PARP8: variants seen among roughly 807,000 people sequenced by gnomAD.
The protein encoded by PARP8 is protein mono-ADP-ribosyltransferase PARP8.
A neutral mutation model predicts 124.1 loss-of-function variants in PARP8; 51 were observed. That is an observed-to-expected ratio of 0.41 (90% CI 0.33 to 0.52). The LOEUF is 0.52. Among genes scored for constraint, PARP8 ranks in the 20% least tolerant of loss-of-function variants. The probability of loss-of-function intolerance (pLI) is 0.21; values close to 1 mark genes in which losing one functional copy is unlikely to be tolerated. For synonymous variants in PARP8, 391 were observed against 361.5 expected (o/e 1.08, Z -0.93); for missense variants, 860 against 1,018.9 (o/e 0.84, Z 2.12).
Position 50,668,016 on chromosome 5 carries a change from G to A in PARP8, c.92-55G>A, listed in dbSNP as rs1004391750. ...CGAATGTGGGGCTCAAGTCCTGATC[G>A]GGGTTAAAACAAATCCACTCCAGGG... On this transcript the variant is annotated intron_variant, in intron 1 of 25. Transcript: ENST00000281631. 9.9e-6 allele frequency: 16 copies of A among 1,610,842 alleles called. No individual in the cohort carries two copies. The African/African-American group carries it at 2.1e-4, about 22-fold the overall frequency.
rs1421397338 is a variant in PARP8, at chr5:50,842,158, G to T, written c.*90G>T. The T allele has an allele frequency of 3.3e-6, 3 of 900,934 alleles. No homozygotes were observed. The highest frequency in any genetic ancestry group is 3.5e-5 in the African/African-American group (2 of 56,386). The allele number at this position is 900,934 out of a possible 1,614,324, so 55.8% of individuals were successfully genotyped here. The stretch of plus-strand genomic sequence containing the variant: ...GAAGAAGATTATAAAATTATTTATT[G>T]TTATTATAAACAAAATTAACCCTTT... On this transcript the variant is annotated 3_prime_UTR_variant, in exon 26 of 26. Transcript: ENST00000281631.
At chr5:50,729,191 G>A (rs898442939) in intron 2 of PARP8, among the ~76,000 whole-genome samples, 1 of 152,060 alleles carries the variant, frequency 6.6e-6, no homozygotes, top group African/African-American at 2.4e-5. Context: ...TTTTAGTAGG[G>A]TCATCTCATT....
chr5:50,809,947 A>T (rs1744254439), intron 14 of PARP8, among the ~76,000 whole-genome samples: 1 of 152,076 alleles, frequency 6.6e-6, no homozygotes, highest in Non-Finnish European at 1.5e-5. Flanking sequence ...TGGAAAACAT[A>T]AATTTCTTAA....
intron 7 of PARP8, among the ~76,000 whole-genome samples, chr5:50,773,254 C>A (rs537827795): frequency 1.3e-5 from 2 of 152,200 alleles, no homozygotes; most frequent in Non-Finnish European, 2.9e-5. Context: ...CATGGCCAGA[C>A]AAATGCCATG....
At chr5:50,712,549 A>G (rs1256113747) in intron 2 of PARP8, among the ~76,000 whole-genome samples, 1 of 152,176 alleles carries the variant, frequency 6.6e-6, no homozygotes, top group Non-Finnish European at 1.5e-5. Context: ...CCAGATTTTT[A>G]AATTATTGTA....
At chr5:50,696,268 AT>A (rs1225272254) in intron 2 of PARP8, among the ~76,000 whole-genome samples, 1 of 152,208 alleles carries the variant, frequency 6.6e-6, no homozygotes, top group African/African-American at 2.4e-5. Flanking sequence ...TTAAATCAGA[AT>A]TTATTTAATC....
intron 3 of PARP8, among the ~76,000 whole-genome samples, chr5:50,756,642 CAAAT>C (rs1038303860): frequency 7.2e-5 from 11 of 151,990 alleles, no homozygotes; most frequent in African/African-American, 2.7e-4. Context: ...ATTTAATTGT[CAAAT>C]AAAGCTTGAT....
chr5:50,791,253 A>G (rs1741920900), intron 10 of PARP8, among the ~76,000 whole-genome samples: 1 of 152,206 alleles, frequency 6.6e-6, no homozygotes, highest in Non-Finnish European at 1.5e-5. Context: ...TATGTCATGC[A>G]CTATTCTAAG....
chr5:50,681,397 G>T (rs1270682510), intron 2 of PARP8, among the ~76,000 whole-genome samples: 1 of 151,966 alleles, frequency 6.6e-6, no homozygotes, highest in Non-Finnish European at 1.5e-5. Flanking sequence ...TCACTGATCT[G>T]AGGCATTCTT....
At chr5:50,696,479 G>A (rs1398508378) in intron 2 of PARP8, among the ~76,000 whole-genome samples, 1 of 152,032 alleles carries the variant, frequency 6.6e-6, no homozygotes. Flanking sequence ...AAATGATAAG[G>A]CAGCCATAAT....
intron 2 of PARP8, among the ~76,000 whole-genome samples, chr5:50,708,710 C>G (rs1215965473): frequency 1.3e-5 from 2 of 148,602 alleles, no homozygotes; most frequent in Non-Finnish European, 1.5e-5. Context: ...TAAAAAATAC[C>G]TATCAGGCTT....
chr5:50,777,702 A>C (rs1316111852), intron 7 of PARP8, among the ~76,000 whole-genome samples: 1 of 152,144 alleles, frequency 6.6e-6, no homozygotes, highest in Non-Finnish European at 1.5e-5. Flanking sequence ...TCATGTCATC[A>C]ACTCCTTTCT....
intron 2 of PARP8, among the ~76,000 whole-genome samples, chr5:50,707,638 AGAGAG>A (rs1754292618): frequency 6.7e-6 from 1 of 149,500 alleles, no homozygotes; most frequent in Non-Finnish European, 1.5e-5. Flanking sequence ...AGAGAGAGAG[AGAGAG>A]AGAGAGAGAG....
At chr5:50,703,125 A>G (rs1004671928) in intron 2 of PARP8, among the ~76,000 whole-genome samples, 13 of 152,040 alleles carry the variant, frequency 8.6e-5, no homozygotes, top group Admixed American at 7.9e-4. Flanking sequence ...ACATGGTGAA[A>G]CCTAATCTCT....
chr5:50,815,322 A>G (rs1028229501), intron 14 of PARP8, 110 bp from the exon 15 acceptor site: 7 of 725,964 alleles, frequency 9.6e-6, no homozygotes, highest in African/African-American at 9.4e-5. Flanking sequence ...TCCTTTTTAA[A>G]AAACACTTAA....
At position 50,845,489 on chromosome 5, in the gene PARP8, A is replaced by G. The variant is rs1049619848; in HGVS notation, c.*3421A>G. 2 of 151,760 alleles carry G rather than the reference A, an allele frequency of 1.3e-5. No homozygotes were observed. Among genetic ancestry groups the G allele is most frequent in the Admixed American group, 6.6e-5 (1 of 15,180 alleles). 9.4% of individuals were successfully genotyped at this position (151,760 alleles called of 1,614,324 possible). On this transcript the variant is annotated 3_prime_UTR_variant, in exon 26 of 26. Transcript: ENST00000281631. ...TTCTTTATTATAACACTACCTCAAG[A>G]CAAATGATAGACTGTTGGTAAGGTA...
At chr5:50,668,903 T>C (rs1198377476) in intron 2 of PARP8, 1 of 152,242 alleles carries the variant, frequency 6.6e-6, no homozygotes, top group Non-Finnish European at 1.5e-5. Flanking sequence ...CAGATTTAGC[T>C]TAGAGGGAAT....
At chr5:50,704,222 A>G (rs1186138286) in intron 2 of PARP8, among the ~76,000 whole-genome samples, 1 of 152,008 alleles carries the variant, frequency 6.6e-6, no homozygotes, top group African/African-American at 2.4e-5. Flanking sequence ...TGTGATATTT[A>G]TTACTTCTTG....
At position 50,778,112 on chromosome 5, in the gene PARP8, G is replaced by A. The variant is rs1402472164; in HGVS notation, c.562G>A (p.Asp188Asn). Residue 188 changes from aspartate (D) to asparagine (N), a missense_variant, in exon 8 of 26, where the codon GAT becomes AAT. Around this residue, in one of 2 missense-constraint regions of PARP8, gnomAD observed 517 missense variants for 544.2 expected, o/e 0.95. Coordinates refer to ENST00000281631, the MANE Select transcript of PARP8 (RefSeq NM_024615.4). Reference protein sequence around the residue: ...IDDVDIDLHIDVSFLDEEIAV... With the variant: ...IDDVDIDLHINVSFLDEEIAV... ...TGATGTAGATATTGATCTGCATATC[G>A]ATGTTAGCTTTCTTGATGTAAGTAT... 3.1e-6 allele frequency: 5 copies of A among 1,606,732 alleles called. No individual in the cohort carries two copies. The highest frequency in any genetic ancestry group is 1.1e-5 in the South Asian group (1 of 89,188).
Sources: allele counts gnomAD v4.1 joint callset (sites outside exome capture counted in the v4.1 genomes callset), GRCh38; gene constraint gnomAD v4.1.1; regional missense constraint gnomAD v4.1.1; transcripts MANE v1.5; gene names NCBI Gene and HGNC (gene_info 2026-07-23, HGNC 2026-07-21).